Variants in SLC39A11 observed in about 807,000 individuals in gnomAD.
SLC39A11 encodes solute carrier family 39 member 11.
A neutral mutation model predicts 36.1 loss-of-function variants in SLC39A11; 33 were observed. The ratio of observed to expected loss-of-function variants is 0.91; its 90% CI spans 0.69 to 1.22. The LOEUF is 1.22. SLC39A11 is among the 50% of genes most tolerant of loss of function. The pLI is 0.00. For missense variants in SLC39A11, 432 were observed against 430.3 expected (o/e 1.00, Z -0.03); for synonymous variants, 166 against 170.3 (o/e 0.97, Z 0.20).
intron 6 of SLC39A11, among the ~76,000 whole-genome samples, chr17:72,811,566 T>C (rs991204664): frequency 6.6e-6 from 1 of 152,244 alleles, no homozygotes; most frequent in Non-Finnish European, 1.5e-5. Context: ...GTATCTAAAA[T>C]GCATAGCTTA....
intron 4 of SLC39A11, among the ~76,000 whole-genome samples, chr17:72,954,044 T>C (rs2086070988): frequency 1.3e-5 from 2 of 152,120 alleles, no homozygotes; most frequent in Non-Finnish European, 2.9e-5. Context: ...TTTTTTTAAA[T>C]TTTGTATTTG....
intron 3 of SLC39A11, among the ~76,000 whole-genome samples, chr17:73,075,985 C>G (rs1386829205): frequency 6.6e-6 from 1 of 152,150 alleles, no homozygotes; most frequent in Non-Finnish European, 1.5e-5. Flanking sequence ...ATTAGTTGAT[C>G]TAGGTAGAGT....
intron 5 of SLC39A11, among the ~76,000 whole-genome samples, chr17:72,931,753 C>T (rs184895557): frequency 4.2e-4 from 64 of 152,344 alleles, no homozygotes; most frequent in African/African-American, 1.5e-3. Context: ...CACAACTCTG[C>T]TTGAATCCTT....
chr17:73,012,363 T>C (rs2090570688), intron 4 of SLC39A11, among the ~76,000 whole-genome samples: 1 of 152,210 alleles, frequency 6.6e-6, no homozygotes. Context: ...TTTTCCATGA[T>C]GTGATCGTTA....
intron 5 of SLC39A11, among the ~76,000 whole-genome samples, chr17:72,879,137 C>T (rs979111561): frequency 2.0e-5 from 3 of 152,238 alleles, no homozygotes; most frequent in East Asian, 1.9e-4. Flanking sequence ...CCTCCAGGAA[C>T]CTCCAAGTGT....
chr17:73,068,551 C>T (rs568628089), intron 3 of SLC39A11, among the ~76,000 whole-genome samples: 3 of 152,258 alleles, frequency 2.0e-5, no homozygotes, highest in East Asian at 1.9e-4. Flanking sequence ...TCCTCATTTC[C>T]GGTAGAGTCC....
In SLC39A11 at chr17:73,067,344, T is replaced by C. The variant is rs771838021; in HGVS notation, c.147+17464A>G. Among the ~76,000 whole-genome samples, 16 of 152,320 alleles carry C rather than the reference T, an allele frequency of 1.1e-4. No individual in the cohort carries two copies. In the South Asian group the frequency reaches 1.2e-3, roughly 12 times the overall value. ...GGAATCTACCTCCCTCCTGCCACTT[T>C]GTAGCATGGAAGGCAGATGTGATGA... On this transcript the variant is annotated intron_variant, in intron 3 of 9. Transcript: ENST00000255559.
At chr17:73,068,622 C>T (rs1227240284) in intron 3 of SLC39A11, among the ~76,000 whole-genome samples, 1 of 152,140 alleles carries the variant, frequency 6.6e-6, no homozygotes, top group African/African-American at 2.4e-5. Flanking sequence ...GGGCAGTTGG[C>T]CCCAGACACA....
At chr17:73,000,334 T>C (rs1192048500) in intron 4 of SLC39A11, among the ~76,000 whole-genome samples, 1 of 150,568 alleles carries the variant, frequency 6.6e-6, no homozygotes, top group Non-Finnish European at 1.5e-5. Flanking sequence ...TCATCTCTCT[T>C]CTCCCCTCTC....
chr17:72,846,014 C>CTTTTTTTTTTTT (rs1275294702), intron 6 of SLC39A11, among the ~76,000 whole-genome samples: 2 of 96,252 alleles, frequency 2.1e-5, no homozygotes, highest in African/African-American at 7.9e-5. Flanking sequence ...CTCTCTCTCT[C>CTTTTTTTTTTTT]TCTCTTTTTT....
rs376698172 is a variant in SLC39A11 at position 72,829,430 on chromosome 17, G to A, written c.601+20204C>T. Among the ~76,000 whole-genome samples, 7 of 152,056 alleles carry A rather than the reference G, an allele frequency of 4.6e-5. 1 individual carries two copies. Among genetic ancestry groups the A allele is most frequent in the South Asian group, 2.1e-4 (1 of 4,798 alleles). ...ACTAGAGGTGGGGGAGATGGGAGCC[G>A]GTGATCAGTGGGATTTGGTGACCAA... On this transcript the variant is annotated intron_variant, in intron 6 of 9. Coordinates refer to ENST00000255559, the MANE Select transcript of SLC39A11 (RefSeq NM_139177.4).
chr17:72,805,522 A>G (rs1468079061), intron 6 of SLC39A11, among the ~76,000 whole-genome samples: 3 of 152,172 alleles, frequency 2.0e-5, no homozygotes. Flanking sequence ...TGTGCTGTCA[A>G]GGCAGATTTA....
intron 4 of SLC39A11, among the ~76,000 whole-genome samples, chr17:72,974,511 C>G (rs1444821974): frequency 6.8e-6 from 1 of 147,510 alleles, no homozygotes; most frequent in Non-Finnish European, 1.5e-5. Flanking sequence ...AGATATCAAA[C>G]AAGAAAATAC....
At chr17:72,969,578 A>C (rs2087277540) in intron 4 of SLC39A11, among the ~76,000 whole-genome samples, 3 of 143,044 alleles carry the variant, frequency 2.1e-5, no homozygotes, top group African/African-American at 2.5e-5. Flanking sequence ...TCTTCCCCCT[A>C]CTCCCTTCCC....
intron 6 of SLC39A11, among the ~76,000 whole-genome samples, chr17:72,810,208 T>C (rs1235108924): frequency 6.6e-6 from 1 of 152,134 alleles, no homozygotes; most frequent in African/African-American, 2.4e-5. Context: ...TATTAAAGCT[T>C]AACACATGCT....
intron 6 of SLC39A11, among the ~76,000 whole-genome samples, chr17:72,842,097 T>TGTGTGC (rs1240302705): frequency 2.0e-5 from 3 of 151,652 alleles, no homozygotes; most frequent in Non-Finnish European, 4.4e-5. Context: ...TGTGTGTGTG[T>TGTGTGC]GTGTGCACGC....
At chr17:72,771,959 TC>T (rs1301116782) in intron 6 of SLC39A11, among the ~76,000 whole-genome samples, 1 of 152,126 alleles carries the variant, frequency 6.6e-6, no homozygotes, top group Non-Finnish European at 1.5e-5. Flanking sequence ...CCACCAACCC[TC>T]CTTTTCCTGC....
At chr17:73,043,880 T>G (rs1277574523) in intron 3 of SLC39A11, among the ~76,000 whole-genome samples, 1 of 152,238 alleles carries the variant, frequency 6.6e-6, no homozygotes, top group East Asian at 1.9e-4. Context: ...CATGACTCAG[T>G]ATGAATCAAA....
At chr17:73,086,647 C>T (rs1442501628) in intron 2 of SLC39A11, among the ~76,000 whole-genome samples, 1 of 152,076 alleles carries the variant, frequency 6.6e-6, no homozygotes, top group African/African-American at 2.4e-5. Flanking sequence ...TAGTGAAACC[C>T]CATCTCCACT....
Sources: gnomAD v4.1 joint callset for allele counts (sites outside exome capture counted in the v4.1 genomes callset) on GRCh38, gnomAD v4.1.1 for gene constraint, MANE v1.5 for transcripts, NCBI Gene and HGNC (gene_info 2026-07-23, HGNC 2026-07-21) for gene names.